CAT: variants seen among roughly 807,000 people sequenced by gnomAD.
CAT encodes the protein catalase, also known as epididymis secretory sperm binding protein.
CAT carries 43 observed loss-of-function variants against 59.0 expected under a neutral mutation model. That is an observed-to-expected ratio of 0.73 (90% CI 0.57 to 0.94). The LOEUF (loss-of-function observed/expected upper bound fraction) is 0.94. CAT is among the 40% of genes least tolerant of loss of function. The pLI is 0.00. For synonymous variants in CAT, 218 were observed against 230.9 expected, an observed-to-expected ratio of 0.94 and a Z score of 0.51; for missense variants, 664 against 682.9, an observed-to-expected ratio of 0.97 and a Z score of 0.31.
intron 1 of CAT, among the ~76,000 whole-genome samples, chr11:34,439,981 G>C (rs1055118749): frequency 2.6e-5 from 4 of 152,194 alleles, no homozygotes. Context: ...CCTGGCCTGT[G>C]CCCACGGCTG....
chr11:34,452,529 A>G (rs1856536326), intron 4 of CAT, among the ~76,000 whole-genome samples: 1 of 152,048 alleles, frequency 6.6e-6, no homozygotes, highest in Admixed American at 6.6e-5. Context: ...CTGAGTCAGC[A>G]GGAGGGGGTG....
intron 10 of CAT, among the ~76,000 whole-genome samples, 159 bp downstream of exon 10, chr11:34,464,394 G>C (rs1406510245): frequency 6.6e-6 from 1 of 152,152 alleles, no homozygotes; most frequent in African/African-American, 2.4e-5. Context: ...CCCTTACTGG[G>C]TGGAGTTGAA....
chr11:34,469,739 C>T (rs1856754738), intron 11 of CAT, among the ~76,000 whole-genome samples: 1 of 151,718 alleles, frequency 6.6e-6, no homozygotes, highest in Admixed American at 6.6e-5. Context: ...GATCTCGGCT[C>T]ACTGCAACCT....
At chr11:34,463,349 C>G (rs1488676017) in intron 9 of CAT, among the ~76,000 whole-genome samples, 3 of 152,074 alleles carry the variant, frequency 2.0e-5, no homozygotes, top group Non-Finnish European at 4.4e-5. Flanking sequence ...TATACAATTA[C>G]CACATTTTAA....
intron 4 of CAT, among the ~76,000 whole-genome samples, chr11:34,452,546 C>T (rs758842308): frequency 2.6e-5 from 4 of 151,900 alleles, no homozygotes; most frequent in South Asian, 2.1e-4. Flanking sequence ...GGTGTGTGTG[C>T]GTGCGCGCAT....
At chr11:34,461,173 T>G (rs1421237419) in intron 8 of CAT, 78 bp from the exon 9 acceptor site, 1 of 1,502,006 alleles carries the variant, frequency 6.7e-7, no homozygotes, top group Admixed American at 1.7e-5. Flanking sequence ...ACTTCAAATT[T>G]CAGAATGAAG....
intron 9 of CAT, among the ~76,000 whole-genome samples, chr11:34,463,219 G>A (rs1856670902): frequency 6.6e-6 from 1 of 152,242 alleles, no homozygotes; most frequent in Admixed American, 6.5e-5. Flanking sequence ...CCAAAGCATA[G>A]TTGAGAAAAT....
At chr11:34,463,570 C>T (rs988035515) in intron 9 of CAT, among the ~76,000 whole-genome samples, 14 of 152,186 alleles carry the variant, frequency 9.2e-5, no homozygotes, top group Non-Finnish European at 1.3e-4. Context: ...CACTGGCTAC[C>T]GTGTGACCTT....
intron 9 of CAT, among the ~76,000 whole-genome samples, chr11:34,462,468 C>G (rs1856662548): frequency 6.6e-6 from 1 of 152,154 alleles, no homozygotes; most frequent in South Asian, 2.1e-4. Flanking sequence ...CTCTGTTGCC[C>G]AGGCTGGAGT....
chr11:34,466,801 AAAAG>A (rs1856724704), intron 10 of CAT, among the ~76,000 whole-genome samples: 9 of 150,370 alleles, frequency 6.0e-5, no homozygotes, highest in Non-Finnish European at 1.0e-4. Flanking sequence ...AAAAAAAAAA[AAAAG>A]AAAATAGATG....
chr11:34,459,307 T>C (rs1856623956), intron 8 of CAT, among the ~76,000 whole-genome samples: 1 of 152,206 alleles, frequency 6.6e-6, no homozygotes, highest in South Asian at 2.1e-4. Flanking sequence ...TTATTCCTGC[T>C]GAGAGCTCAT....
chr11:34,465,153 G>C (rs1333897097), intron 10 of CAT, among the ~76,000 whole-genome samples: 2 of 152,150 alleles, frequency 1.3e-5, no homozygotes, highest in Non-Finnish European at 2.9e-5. Context: ...AAAGTTAAAG[G>C]TATAGTTGTT....
chr11:34,449,044 C>T, intron 1 of CAT, 148 bp from the exon 2 acceptor site: 1 of 703,440 alleles, frequency 1.4e-6, no homozygotes, highest in South Asian at 1.7e-5. Flanking sequence ...GGCAATGGCC[C>T]ATCCTGTCAG....
rs544204515 is a variant in CAT at position 34,471,903 on chromosome 11, T to C, written c.*470T>C. On this transcript the variant is annotated 3_prime_UTR_variant, in exon 13 of 13. Transcript: ENST00000241052. Reference sequence around the variant, plus strand: ...TACAGCAGTGTCATCAGAAGATAACTTGAGCACCGTCATGGCTTAATGTTT... The same window carrying C: ...TACAGCAGTGTCATCAGAAGATAACCTGAGCACCGTCATGGCTTAATGTTT... 1 of 174,334 alleles carries C rather than the reference T, an allele frequency of 5.7e-6. No individual in the cohort carries two copies. The highest frequency in any genetic ancestry group is 1.3e-5 in the Non-Finnish European group (1 of 79,912). 10.8% of individuals were successfully genotyped at this position (174,334 alleles called of 1,614,324 possible). A position where few individuals can be genotyped will look rare whatever the true frequency, so the allele number is the denominator to read the frequency against.
intron 11 of CAT, 115 bp downstream of exon 11, chr11:34,468,510 T>TAAA: frequency 1.7e-6 from 1 of 594,330 alleles, no homozygotes; most frequent in Non-Finnish European, 3.0e-6. Flanking sequence ...TAAGAGAACT[T>TAAA]AAAAAAAAAA....
chr11:34,459,070 A>G (rs991779336), intron 8 of CAT, among the ~76,000 whole-genome samples: 3 of 151,914 alleles, frequency 2.0e-5, no homozygotes, highest in Non-Finnish European at 4.4e-5. Flanking sequence ...TTGTCGAGTT[A>G]TTGTTTCTAG....
rs370238870 is a variant in CAT, at chr11:34,454,522, G to T, written c.711+596G>T. On this transcript the variant is annotated intron_variant, in intron 6 of 12. Coordinates refer to ENST00000241052, the MANE Select transcript of CAT (RefSeq NM_001752.4). ...TTTCCAAATACTGCTGCTAAGATAA[G>T]CAGAAAGAAGTGGGCTCGTGACCAG... Among the ~76,000 whole-genome samples the T allele has an allele frequency of 5.6e-4, 85 of 152,290 alleles. 3 individuals carry two copies. In the East Asian group the frequency reaches 0.013, roughly 23 times the overall value.
chr11:34,461,164 C>T, intron 8 of CAT, 87 bp from the exon 9 acceptor site: 1 of 1,455,316 alleles, frequency 6.9e-7, no homozygotes, highest in Middle Eastern at 1.8e-4. Flanking sequence ...GTGCTTTGTA[C>T]TTCAAATTTC....
intron 1 of CAT, among the ~76,000 whole-genome samples, 195 bp downstream of exon 1, chr11:34,439,274 CGCGGGACT>C (rs1564958979): frequency 6.6e-6 from 1 of 152,062 alleles, no homozygotes; most frequent in African/African-American, 2.4e-5. Context: ...GGTAGTGGGG[CGCGGGACT>C]GCAGGCTTTG....
Sources: gnomAD v4.1 joint callset for allele counts (sites outside exome capture counted in the v4.1 genomes callset) on GRCh38, gnomAD v4.1.1 for gene constraint, MANE v1.5 for transcripts, NCBI Gene and HGNC (gene_info 2026-07-23, HGNC 2026-07-21) for gene names.